Variants in IL1RAPL2 observed in about 807,000 individuals in gnomAD.
The protein encoded by IL1RAPL2 is interleukin 1 receptor accessory protein like 2.
IL1RAPL2 carries 3 observed loss-of-function variants against 44.1 expected under a neutral mutation model. The observed-to-expected ratio is 0.07, with a 90% CI of 0.03 to 0.18. The LOEUF is 0.18. Ranked by LOEUF, IL1RAPL2 falls within the 10% of genes least tolerant of loss-of-function variation. IL1RAPL2 has a pLI of 1.00. For missense variants in IL1RAPL2, 391 were observed against 496.4 expected, an observed-to-expected ratio of 0.79 and a Z score of 2.02; for synonymous variants, 181 against 178.8, an observed-to-expected ratio of 1.01 and a Z score of -0.10.
At chrX:105,356,184 G>GTGGTTT (rs1556297376) in intron 5 of IL1RAPL2, among the ~76,000 whole-genome samples, 12,303 of 108,051 alleles carry the variant, frequency 0.11, 2,026 homozygotes, top group African/African-American at 0.41. Context: ...GTGTGTGTGT[G>GTGGTTT]GTTTGTTTCT....
intron 5 of IL1RAPL2, among the ~76,000 whole-genome samples, chrX:105,363,429 A>G (rs751027959): frequency 2.3e-4 from 24 of 104,376 alleles, no homozygotes; most frequent in Non-Finnish European, 4.5e-4. Flanking sequence ...TCGCTTTGAC[A>G]TACTGATTAC....
intron 6 of IL1RAPL2, among the ~76,000 whole-genome samples, chrX:105,573,920 G>A (rs1213647822): frequency 9.0e-6 from 1 of 111,308 alleles, no homozygotes. Flanking sequence ...AACAATAGAA[G>A]GCAAGGATGA....
rs1335221649 is a variant in IL1RAPL2 at position 105,028,661 on chromosome X, A to G, written c.83-166814A>G. ...CAGTGTAGAGAAAGAACTTATCAGT[A>G]ATAATGATGCCAAGATTGCTGAAGT... On this transcript the variant is annotated intron_variant, in intron 2 of 10. Transcript: ENST00000372582. 2.7e-5 allele frequency among the ~76,000 whole-genome samples: 3 copies of G among 110,821 alleles called. No homozygotes were observed. In the Admixed American group the frequency reaches 2.9e-4, roughly 11 times the overall value.
intron 5 of IL1RAPL2, among the ~76,000 whole-genome samples, chrX:105,349,813 A>G (rs1056796451): frequency 9.8e-5 from 11 of 111,940 alleles, no homozygotes; most frequent in African/African-American, 3.6e-4. Flanking sequence ...ATAATAAACT[A>G]TCTTCCTCCC....
intron 6 of IL1RAPL2, among the ~76,000 whole-genome samples, chrX:105,595,108 GCA>G (rs1224832113): frequency 8.9e-6 from 1 of 111,835 alleles, no homozygotes; most frequent in Non-Finnish European, 1.9e-5. Flanking sequence ...TTTAACAATA[GCA>G]CAGAGTTTTT....
chrX:105,685,144 T>C (rs1280700963), intron 6 of IL1RAPL2, among the ~76,000 whole-genome samples: 1 of 112,026 alleles, frequency 8.9e-6, no homozygotes, highest in Non-Finnish European at 1.9e-5. Context: ...AGAGCGCCTC[T>C]TCTCCTCCAA....
chrX:104,615,603 A>G (rs1284251092), intron 1 of IL1RAPL2, among the ~76,000 whole-genome samples: 1 of 111,652 alleles, frequency 9.0e-6, no homozygotes, highest in African/African-American at 3.3e-5. Context: ...GTACATTACC[A>G]CATTTTCTTT....
chrX:104,857,780 C>G (rs975292), intron 2 of IL1RAPL2, among the ~76,000 whole-genome samples: 36,939 of 109,734 alleles, frequency 0.34, 5,419 homozygotes, highest in East Asian at 0.46. Flanking sequence ...TCCTACTACT[C>G]AGATTAATCA....
chrX:104,916,516 A>G (rs776663069), intron 2 of IL1RAPL2, among the ~76,000 whole-genome samples: 12 of 111,704 alleles, frequency 1.1e-4, no homozygotes, highest in Middle Eastern at 4.6e-3. Flanking sequence ...ATCTGCAAAC[A>G]GGGACAATTT....
chrX:105,386,638 G>A (rs1352155741), intron 5 of IL1RAPL2, among the ~76,000 whole-genome samples: 2 of 111,743 alleles, frequency 1.8e-5, no homozygotes, highest in African/African-American at 3.2e-5. Context: ...CAAACATAAA[G>A]TTTGAAACAT....
intron 2 of IL1RAPL2, among the ~76,000 whole-genome samples, chrX:105,057,955 T>A (rs2097337757): frequency 9.7e-6 from 1 of 102,810 alleles, no homozygotes; most frequent in African/African-American, 3.6e-5. Context: ...CTAATTTTTT[T>A]TTTTTTTTTT....
intron 2 of IL1RAPL2, among the ~76,000 whole-genome samples, chrX:104,672,807 T>C: frequency 9.1e-6 from 1 of 110,439 alleles, no homozygotes; most frequent in Middle Eastern, 4.7e-3. Context: ...TGTGAGATGG[T>C]ATCTCATTGT....
intron 8 of IL1RAPL2, among the ~76,000 whole-genome samples, chrX:105,747,978 C>G (rs1309823533): frequency 9.0e-6 from 1 of 111,127 alleles, no homozygotes; most frequent in African/African-American, 3.3e-5. Flanking sequence ...GATAATGTCC[C>G]TGTGGAAAAT....
chrX:104,932,135 G>GCACCTGT (rs1372085238), intron 2 of IL1RAPL2, among the ~76,000 whole-genome samples: 1 of 107,252 alleles, frequency 9.3e-6, no homozygotes, highest in Non-Finnish European at 1.9e-5. Flanking sequence ...GGGATTACAG[G>GCACCTGT]CACCTGTCAC....
intron 6 of IL1RAPL2, among the ~76,000 whole-genome samples, chrX:105,557,752 A>G (rs1291546416): frequency 9.0e-6 from 1 of 111,188 alleles, no homozygotes; most frequent in Non-Finnish European, 1.9e-5. Context: ...GCCCTCCCCA[A>G]TCCAGAGACA....
rs1178206252 is a variant in IL1RAPL2 at position 105,353,962 on chromosome X, A to T, written c.697+86421A>T. On this transcript the variant is annotated intron_variant, in intron 5 of 10. Coordinates refer to ENST00000372582, the MANE Select transcript of IL1RAPL2 (RefSeq NM_017416.2). ...CTGATTGCCCTGGCCAGAACTTCCA[A>T]CACTATGTTGAATAGGAGTGGTGAG... Among the ~76,000 whole-genome samples, 3 of 110,766 alleles carry T rather than the reference A, an allele frequency of 2.7e-5. No individual in the cohort carries two copies. In the East Asian group the frequency reaches 8.6e-4, roughly 32 times the overall value.
chrX:104,827,515 C>T (rs779320260), intron 2 of IL1RAPL2, among the ~76,000 whole-genome samples: 17 of 111,518 alleles, frequency 1.5e-4, no homozygotes, highest in Non-Finnish European at 3.0e-4. Context: ...GATGGCCTTC[C>T]CTTTGTGGGT....
intron 5 of IL1RAPL2, among the ~76,000 whole-genome samples, chrX:105,270,861 A>G (rs976966137): frequency 8.9e-6 from 1 of 111,939 alleles, no homozygotes; most frequent in African/African-American, 3.2e-5. Context: ...TATGACATGA[A>G]TAGAGGTGGT....
intron 6 of IL1RAPL2, among the ~76,000 whole-genome samples, chrX:105,675,758 T>C (rs1365465370): frequency 1.8e-5 from 2 of 111,515 alleles, no homozygotes; most frequent in Non-Finnish European, 3.8e-5. Context: ...TTTATATTTA[T>C]GGTAGAATTC....
Sources: allele counts gnomAD v4.1 joint callset (sites outside exome capture counted in the v4.1 genomes callset), GRCh38; gene constraint gnomAD v4.1.1; transcripts MANE v1.5; gene names NCBI Gene and HGNC (gene_info 2026-07-23, HGNC 2026-07-21).